The following GPC6 variants were observed in gnomAD, a reference collection of about 807,000 sequenced individuals.
GPC6 encodes the protein glypican 6, also known as glypican-6.
A neutral mutation model predicts 55.2 loss-of-function variants in GPC6; 14 were observed. The observed-to-expected ratio is 0.25, with a 90% confidence interval of 0.17 to 0.40. The LOEUF is 0.40. Among genes scored for constraint, GPC6 ranks in the 10% least tolerant of loss-of-function variants. The pLI, the probability that GPC6 is intolerant of heterozygous loss-of-function variation, is 1.00. For synonymous variants in GPC6, 278 were observed against 259.6 expected (o/e 1.07, Z -0.68); for missense variants, 641 against 708.5 (o/e 0.90, Z 1.08).
chr13:93,973,269 G>A (rs889335470), intron 3 of GPC6, among the ~76,000 whole-genome samples: 9 of 152,126 alleles, frequency 5.9e-5, no homozygotes, highest in African/African-American at 2.2e-4. Context: ...TGGTACTTAT[G>A]TATCTAAACA....
intron 6 of GPC6, among the ~76,000 whole-genome samples, chr13:94,374,715 T>A (rs967185110): frequency 6.9e-5 from 10 of 145,030 alleles, no homozygotes; most frequent in African/African-American, 2.6e-4. Flanking sequence ...GCGGACCTAA[T>A]AGACATCTAC....
chr13:94,161,363 C>T (rs1196530151), intron 4 of GPC6, among the ~76,000 whole-genome samples: 1 of 152,176 alleles, frequency 6.6e-6, no homozygotes, highest in African/African-American at 2.4e-5. Context: ...TGTTTTCAAT[C>T]ACTGACAGAG....
At chr13:93,825,641 A>G (rs1887203477) in intron 2 of GPC6, among the ~76,000 whole-genome samples, 1 of 152,130 alleles carries the variant, frequency 6.6e-6, no homozygotes, top group South Asian at 2.1e-4. Flanking sequence ...TGCAGATTAT[A>G]TCAGGCTGTT....
intron 1 of GPC6, among the ~76,000 whole-genome samples, chr13:93,338,818 T>A (rs1880133428): frequency 6.6e-6 from 1 of 152,182 alleles, no homozygotes; most frequent in Non-Finnish European, 1.5e-5. Flanking sequence ...ATCAATATAT[T>A]TTTTTAAAGC....
chr13:93,320,892 T>G (rs991841837), intron 1 of GPC6, among the ~76,000 whole-genome samples: 1 of 152,172 alleles, frequency 6.6e-6, no homozygotes, highest in African/African-American at 2.4e-5. Flanking sequence ...TGTTTCTCAT[T>G]GCTAATTCAA....
At chr13:93,367,985 A>G (rs966290013) in intron 1 of GPC6, among the ~76,000 whole-genome samples, 6 of 151,836 alleles carry the variant, frequency 4.0e-5, no homozygotes, top group Admixed American at 1.3e-4. Flanking sequence ...ATCCTTGCTT[A>G]TTTTCTGTCT....
At chr13:94,206,625 G>A (rs143795359) in intron 4 of GPC6, among the ~76,000 whole-genome samples, 42 of 152,172 alleles carry the variant, frequency 2.8e-4, no homozygotes, top group African/African-American at 8.7e-4. Flanking sequence ...AGGCTGAGGC[G>A]AGCAGATCGC....
chr13:94,274,205 C>A (rs1196723224), intron 4 of GPC6, among the ~76,000 whole-genome samples: 1 of 152,192 alleles, frequency 6.6e-6, no homozygotes, highest in East Asian at 1.9e-4. Flanking sequence ...TTATTTTCCG[C>A]CACAATTTGC....
intron 1 of GPC6, among the ~76,000 whole-genome samples, chr13:93,319,633 G>A (rs1331096616): frequency 6.6e-6 from 1 of 152,096 alleles, no homozygotes; most frequent in Non-Finnish European, 1.5e-5. Flanking sequence ...AGCTTACACT[G>A]TTTTCAGAAA....
chr13:93,542,422 T>G (rs1375844532), intron 1 of GPC6, among the ~76,000 whole-genome samples: 1 of 152,218 alleles, frequency 6.6e-6, no homozygotes, highest in African/African-American at 2.4e-5. Flanking sequence ...TTTTGGTTAC[T>G]GTAGCCTTGT....
At chr13:93,599,887 A>G (rs979777655) in intron 2 of GPC6, among the ~76,000 whole-genome samples, 1 of 152,196 alleles carries the variant, frequency 6.6e-6, no homozygotes, top group African/African-American at 2.4e-5. Flanking sequence ...AGAGTATTTC[A>G]CAAATGTCTG....
chr13:93,496,876 A>G (rs778686699), intron 1 of GPC6, among the ~76,000 whole-genome samples: 1 of 152,222 alleles, frequency 6.6e-6, no homozygotes, highest in Non-Finnish European at 1.5e-5. Flanking sequence ...TCTGTGTTAA[A>G]CATAATATAT....
At chr13:94,346,827 A>G (rs1476851167) in intron 6 of GPC6, among the ~76,000 whole-genome samples, 2 of 151,882 alleles carry the variant, frequency 1.3e-5, no homozygotes, top group Non-Finnish European at 2.9e-5. Flanking sequence ...TGAAGGAGGG[A>G]TGAGACTAAG....
intron 2 of GPC6, among the ~76,000 whole-genome samples, chr13:93,781,233 G>A (rs181564243): frequency 1.3e-5 from 2 of 150,048 alleles, no homozygotes; most frequent in Admixed American, 1.3e-4. Flanking sequence ...CCGAGATCGC[G>A]CCACTGCACT....
intron 4 of GPC6, among the ~76,000 whole-genome samples, chr13:94,081,155 C>T (rs1402847644): frequency 1.3e-5 from 2 of 152,156 alleles, no homozygotes; most frequent in African/African-American, 2.4e-5. Flanking sequence ...TGCTGGCTAG[C>T]TCTAAAAGAC....
Position 93,830,422 on chromosome 13 carries a change from G to T in GPC6, c.588G>T (p.Gln196His), listed in dbSNP as rs761830190. ...AATGTGTGAGCAAATACACTGACCA[G>T]CTCAAGCCATTTGGAGACGTGCCCC... ...YLECVSKYTD[Q>H]LKPFGDVPRK... is the part of the protein sequence containing the mutation. Residue 196 changes from glutamine (Q) to histidine (H), a missense_variant, in exon 3 of 9, where the codon CAG becomes CAT. Coordinates refer to ENST00000377047, the MANE Select transcript of GPC6 (RefSeq NM_005708.5). The T allele has an allele frequency of 4.3e-6, 7 of 1,613,752 alleles. No homozygotes were observed. The Admixed American group carries it at 1.0e-4, about 23-fold the overall frequency.
At chr13:93,442,582 C>A (rs922473197) in intron 1 of GPC6, among the ~76,000 whole-genome samples, 9 of 152,118 alleles carry the variant, frequency 5.9e-5, no homozygotes, top group Non-Finnish European at 8.8e-5. Context: ...AGTATTCTTC[C>A]ACTAGGAGCT....
intron 2 of GPC6, among the ~76,000 whole-genome samples, chr13:93,796,401 T>C (rs1886198751): frequency 6.6e-6 from 1 of 152,328 alleles, no homozygotes; most frequent in African/African-American, 2.4e-5. Context: ...CATGGAATTA[T>C]GTGTATGATA....
intron 3 of GPC6, among the ~76,000 whole-genome samples, chr13:93,995,641 T>C (rs1881511065): frequency 6.6e-6 from 1 of 152,242 alleles, no homozygotes; most frequent in Admixed American, 6.5e-5. Flanking sequence ...TCAGTAATGG[T>C]ATCAGAAACT....
Sources: gnomAD v4.1 joint callset for allele counts (sites outside exome capture counted in the v4.1 genomes callset) on GRCh38, gnomAD v4.1.1 for gene constraint, MANE v1.5 for transcripts, NCBI Gene and HGNC (gene_info 2026-07-23, HGNC 2026-07-21) for gene names.